Variants in CFAP20DC observed in about 807,000 individuals in gnomAD.
CFAP20DC encodes the protein CFAP20 domain containing.
In CFAP20DC, 84 loss-of-function variants were observed where a neutral mutation model predicts 101.7. The observed-to-expected ratio is 0.83, with a 90% CI of 0.69 to 0.99. CFAP20DC has a LOEUF of 0.99. CFAP20DC is among the 50% of genes least tolerant of loss of function. CFAP20DC has a pLI of 0.00. For synonymous variants in CFAP20DC, 359 were observed against 351.2 expected (o/e 1.02, Z -0.25); for missense variants, 1,007 against 970.3 (o/e 1.04, Z -0.50).
At chr3:58,854,120 G>A (rs1323995526) in intron 12 of CFAP20DC, among the ~76,000 whole-genome samples, 6 of 152,084 alleles carry the variant, frequency 3.9e-5, no homozygotes, top group East Asian at 1.9e-4. Context: ...TTAAGCTGAT[G>A]AACAACTTCA....
intron 15 of CFAP20DC, among the ~76,000 whole-genome samples, chr3:58,791,495 T>C (rs565038929): frequency 6.6e-6 from 1 of 152,288 alleles, no homozygotes; most frequent in East Asian, 1.9e-4. Flanking sequence ...AAACCCCTTA[T>C]TCTACTATAT....
At chr3:58,811,996 C>T (rs1260956671) in intron 14 of CFAP20DC, among the ~76,000 whole-genome samples, 1 of 152,088 alleles carries the variant, frequency 6.6e-6, no homozygotes, top group African/African-American at 2.4e-5. Flanking sequence ...AAATCAAAAC[C>T]ACAATGAGAT....
At position 58,882,611 on chromosome 3, in the gene CFAP20DC, T is replaced by TTG. The variant is rs1172623789; in HGVS notation, c.715+1932_715+1933dup. Among the ~76,000 whole-genome samples, 3 of 152,214 alleles carry TTG rather than the reference T, an allele frequency of 2.0e-5. No individual in the cohort carries two copies. The highest frequency in any genetic ancestry group is 7.2e-5 in the African/African-American group (3 of 41,456). On this transcript the variant is annotated intron_variant, in intron 7 of 16. Coordinates refer to ENST00000482387, the MANE Select transcript of CFAP20DC (RefSeq NM_001394063.1). This position sits in a 1 kb window ranked among gnomAD's most constrained non-coding sequence, Gnocchi z 4.2. Reference sequence around the variant, plus strand: ...TGGTACATCTTCCATTCAGATTGAATTGTGACCCAAAGTGTTTACAGTAGC... The same window carrying TTG: ...TGGTACATCTTCCATTCAGATTGAATTGTGTGACCCAAAGTGTTTACAGTAGC...
In CFAP20DC at chr3:58,899,754, T is replaced by C. The variant is rs904053148; in HGVS notation, c.550+13954A>G. Among the ~76,000 whole-genome samples, 1 of 152,156 alleles carries C rather than the reference T, an allele frequency of 6.6e-6. No individual in the cohort carries two copies. The highest frequency in any genetic ancestry group is 2.4e-5 in the African/African-American group (1 of 41,426). On this transcript the variant is annotated intron_variant, in intron 6 of 16. Coordinates refer to ENST00000482387, the MANE Select transcript of CFAP20DC (RefSeq NM_001394063.1). The surrounding 1 kb of genome is among the most constrained non-coding windows in gnomAD (Gnocchi z 5.0). ...CTGTTGGCTTCATGCCACTCCCGGA[T>C]GGGCCATCACCCCACCCTGCTTTTT...
chr3:58,855,370 C>G (rs1262804102), intron 12 of CFAP20DC, among the ~76,000 whole-genome samples: 2 of 152,096 alleles, frequency 1.3e-5, no homozygotes, highest in Non-Finnish European at 1.5e-5. Context: ...GAAATAGGAA[C>G]ACTTTTACAC....
At chr3:58,807,299 T>G (rs1221439023) in intron 14 of CFAP20DC, among the ~76,000 whole-genome samples, 2 of 152,150 alleles carry the variant, frequency 1.3e-5, no homozygotes, top group Non-Finnish European at 2.9e-5. Context: ...CCAAGCAGCC[T>G]AACTGGGAGG....
chr3:58,800,514 C>G (rs1388161676), intron 15 of CFAP20DC, among the ~76,000 whole-genome samples: 1 of 152,096 alleles, frequency 6.6e-6, no homozygotes, highest in Non-Finnish European at 1.5e-5. Context: ...AGAAGAAAAT[C>G]AAGTTACCTT....
intron 3 of CFAP20DC, among the ~76,000 whole-genome samples, chr3:58,730,018 CAAAA>C (rs769033730): frequency 1.9e-5 from 1 of 53,504 alleles, no homozygotes; most frequent in Admixed American, 2.1e-4. Context: ...AACCTGTCTC[CAAAA>C]AAAAAAAAAA....
chr3:58,729,389 TA>T lies in CFAP20DC; in HGVS notation c.198-11762del, dbSNP rs2067602132. ...AATTGTATACTTTAAATTTTATTAA[TA>T]TTTTGTGTCTTGTATACAGTAAAAC... is the stretch of plus-strand genomic sequence containing the variant. On this transcript the variant is annotated intron_variant, in intron 3 of 3. Coordinates refer to the CFAP20DC transcript ENST00000486145. This position sits in a 1 kb window ranked among gnomAD's most constrained non-coding sequence, Gnocchi z 4.4. Among the ~76,000 whole-genome samples the T allele has an allele frequency of 1.3e-5, 2 of 152,222 alleles. No homozygotes were observed. The highest frequency in any genetic ancestry group is 2.1e-4 in the South Asian group (1 of 4,828).
intron 4 of CFAP20DC, among the ~76,000 whole-genome samples, chr3:59,010,022 C>T (rs951260778): frequency 2.0e-4 from 30 of 152,120 alleles, no homozygotes; most frequent in African/African-American, 6.8e-4. Flanking sequence ...GAATTCACCA[C>T]TACCAACCCA....
chr3:58,890,431 G>A (rs1432406192), intron 6 of CFAP20DC, among the ~76,000 whole-genome samples: 1 of 141,008 alleles, frequency 7.1e-6, no homozygotes, highest in African/African-American at 2.7e-5. Flanking sequence ...TGGCCGGGCG[G>A]GGGGGCTGAC....
chr3:58,892,649 T>C lies in CFAP20DC; in HGVS notation c.551-7940A>G, dbSNP rs554981113. Among the ~76,000 whole-genome samples, 2 of 152,326 alleles carry C rather than the reference T, an allele frequency of 1.3e-5. No homozygotes were observed. Among genetic ancestry groups the C allele is most frequent in the South Asian group, 4.1e-4 (2 of 4,828 alleles). On this transcript the variant is annotated intron_variant, in intron 6 of 16. Coordinates refer to ENST00000482387, the MANE Select transcript of CFAP20DC (RefSeq NM_001394063.1). The surrounding 1 kb of genome is among the most constrained non-coding windows in gnomAD (Gnocchi z 4.0). ...GCTCTCTGCTTGCCTGTTGTTGGTG[T>C]ATAGGAATGCTAGCAATGTTTGCAC...
intron 15 of CFAP20DC, among the ~76,000 whole-genome samples, chr3:58,757,858 G>A (rs967668018): frequency 2.0e-4 from 31 of 152,056 alleles, no homozygotes; most frequent in African/African-American, 6.8e-4. Flanking sequence ...TAACTCATTT[G>A]TTTAGCTTTT....
At chr3:58,762,324 T>C (rs1403391852) in intron 15 of CFAP20DC, among the ~76,000 whole-genome samples, 1 of 152,198 alleles carries the variant, frequency 6.6e-6, no homozygotes, top group Non-Finnish European at 1.5e-5. Flanking sequence ...TCTTTGTTGG[T>C]TTAAAGTCTG....
chr3:58,860,175 C>CAAA (rs10575757), intron 12 of CFAP20DC, among the ~76,000 whole-genome samples: 12 of 78,118 alleles, frequency 1.5e-4, no homozygotes, highest in Admixed American at 3.1e-4. Flanking sequence ...AACTCCATCT[C>CAAA]AAAAAAAAAA....
chr3:58,733,362 A>G (rs558577510), intron 3 of CFAP20DC, among the ~76,000 whole-genome samples: 8 of 152,228 alleles, frequency 5.3e-5, no homozygotes, highest in Admixed American at 5.2e-4. Context: ...AATAATAAAA[A>G]AAACAAAAAA....
chr3:58,829,327 A>G (rs2076244591), intron 14 of CFAP20DC, among the ~76,000 whole-genome samples: 2 of 151,912 alleles, frequency 1.3e-5, no homozygotes, highest in Admixed American at 1.3e-4. Flanking sequence ...TCTCAAAAAA[A>G]AAAAAAAAAA....
At chr3:58,923,450 C>A (rs1357297303) in intron 5 of CFAP20DC, among the ~76,000 whole-genome samples, 1 of 152,022 alleles carries the variant, frequency 6.6e-6, no homozygotes, top group Non-Finnish European at 1.5e-5. Context: ...CTGAAAATGT[C>A]TTTATTTTGT....
At position 58,849,300 on chromosome 3, in the gene CFAP20DC, T is replaced by C; in HGVS notation, c.1703A>G (p.Glu568Gly). 17 of 1,536,076 alleles carry C rather than the reference T, an allele frequency of 1.1e-5. No homozygotes were observed. Among genetic ancestry groups the C allele is most frequent in the Non-Finnish European group, 1.3e-5 (15 of 1,146,894 alleles). Residue 568 changes from glutamate to glycine, a missense_variant, in exon 13 of 17, where the codon GAA becomes GGA. Transcript: ENST00000482387. ...TTCTGTGTAGGCGCTCCTTAGATATTCCTTACTTGTCCGCTTTGCAGCCTT... is the reference window on the plus strand; with the variant it reads ...TTCTGTGTAGGCGCTCCTTAGATATCCCTTACTTGTCCGCTTTGCAGCCTT... The part of the protein sequence containing the change: ...LGKAAKRTSK[E>G]YLRSAYTEAG...
Sources: gnomAD v4.1 joint callset for allele counts (sites outside exome capture counted in the v4.1 genomes callset) on GRCh38, gnomAD v4.1.1 for gene constraint, Gnocchi (gnomAD v3.1) non-coding constraint, MANE v1.5 for transcripts, NCBI Gene and HGNC (gene_info 2026-07-23, HGNC 2026-07-21) for gene names.